PKD1L3: variants seen among roughly 807,000 people sequenced by gnomAD.
PKD1L3 encodes the protein polycystin-1-like protein 3.
A neutral mutation model predicts 184.1 loss-of-function variants in PKD1L3; 239 were observed. The ratio of observed to expected loss-of-function variants is 1.30; its 90% CI spans 1.17 to 1.45. PKD1L3 has a LOEUF of 1.45. Ranked by LOEUF, PKD1L3 falls within the 40% of genes most tolerant of loss-of-function variation. The pLI, the probability that PKD1L3 is intolerant of heterozygous loss-of-function variation, is 0.00. For synonymous variants in PKD1L3, 996 were observed against 778.8 expected (o/e 1.28, Z -4.64); for missense variants, 2,660 against 2,067.2 (o/e 1.29, Z -5.56).
At chr16:71,965,503 G>A (rs959992798) in intron 15 of PKD1L3, among the ~76,000 whole-genome samples, 12 of 151,230 alleles carry the variant, frequency 7.9e-5, no homozygotes, top group African/African-American at 2.4e-4. Flanking sequence ...CACTAGGGGC[G>A]TGTGAGTGTT....
At chr16:71,967,045 A>G (rs183049050) in intron 15 of PKD1L3, 92 bp downstream of exon 15, 1 of 1,366,974 alleles carries the variant, frequency 7.3e-7, no homozygotes, top group East Asian at 2.5e-5. Flanking sequence ...TATTTGGCTC[A>G]AAGCTTTACT....
intron 9 of PKD1L3, 23 bp from the exon 10 acceptor site, chr16:71,978,406 T>C (rs1225166000): frequency 3.3e-6 from 5 of 1,537,730 alleles, no homozygotes; most frequent in Non-Finnish European, 4.4e-6. Flanking sequence ...AGAAGCCCAG[T>C]TTTATCCATT....
intron 6 of PKD1L3, among the ~76,000 whole-genome samples, chr16:71,983,065 CT>C (rs1329016442): frequency 1.3e-5 from 2 of 152,174 alleles, no homozygotes; most frequent in Admixed American, 1.3e-4. Context: ...ACTGACAATT[CT>C]TTTTGAGTGG....
intron 11 of PKD1L3, among the ~76,000 whole-genome samples, chr16:71,975,118 T>C (rs575278767): frequency 2.6e-5 from 4 of 152,146 alleles, no homozygotes; most frequent in African/African-American, 9.6e-5. Context: ...TGCAGTGGTA[T>C]CATCGAAACT....
intron 15 of PKD1L3, among the ~76,000 whole-genome samples, chr16:71,966,505 C>T (rs1008939299): frequency 2.6e-5 from 4 of 150,954 alleles, no homozygotes; most frequent in Admixed American, 2.0e-4. Flanking sequence ...ATGCTCACTG[C>T]AGCTTCAACC....
intron 13 of PKD1L3, 67 bp downstream of exon 13, chr16:71,969,808 T>G: frequency 1.4e-6 from 2 of 1,399,502 alleles, no homozygotes; most frequent in Non-Finnish European, 1.9e-6. Context: ...CGAAGGTGTT[T>G]TTTCCTTCAT....
intron 15 of PKD1L3, among the ~76,000 whole-genome samples, chr16:71,965,765 G>A (rs1291074414): frequency 2.0e-5 from 3 of 151,984 alleles, no homozygotes; most frequent in African/African-American, 7.2e-5. Flanking sequence ...TGTTGGCCAG[G>A]CTGGTCTCAA....
rs373252628 is a variant in PKD1L3 at position 71,930,105 on chromosome 16, G to C, written c.5005C>G (p.Leu1669Val). ...VILMVLVVIN[L>V]FVSAILMAFG... is the part of the protein sequence containing the mutation. ...GCCATGAGAATGGCCGAAACGAAAA[G>C]ATTAATTACCACAAGTACCATCAAG... is the stretch of plus-strand genomic sequence containing the variant. Residue 1669 changes from leucine to valine, a missense_variant, in exon 29 of 30, where the codon CTT becomes GTT. Transcript: ENST00000620267. 5.6e-5 allele frequency: 87 copies of C among 1,551,496 alleles called. No individual in the cohort carries two copies. Among genetic ancestry groups the C allele is most frequent in the Non-Finnish European group, 7.3e-5 (84 of 1,146,928 alleles).
intron 12 of PKD1L3, among the ~76,000 whole-genome samples, chr16:71,972,145 G>A (rs1355105561): frequency 6.6e-6 from 1 of 152,138 alleles, no homozygotes; most frequent in Non-Finnish European, 1.5e-5. Flanking sequence ...GAACCTGGGA[G>A]GCAGAGTTTG....
chr16:71,936,760 G>A (rs2038195342), intron 25 of PKD1L3, among the ~76,000 whole-genome samples: 4 of 152,106 alleles, frequency 2.6e-5, no homozygotes, highest in Admixed American at 2.6e-4. Context: ...TTGAACTACA[G>A]GCATGAGCCA....
intron 16 of PKD1L3, among the ~76,000 whole-genome samples, chr16:71,957,841 T>C (rs559658271): frequency 3.7e-4 from 57 of 152,214 alleles, no homozygotes; most frequent in African/African-American, 1.3e-3. Context: ...CAAAATATAC[T>C]TCAAGACAAG....
chr16:71,966,869 T>C (rs574198967), intron 15 of PKD1L3, among the ~76,000 whole-genome samples: 1 of 152,226 alleles, frequency 6.6e-6, no homozygotes, highest in Non-Finnish European at 1.5e-5. Context: ...ATTGGTGTTA[T>C]TTGCTGTTCA....
chr16:71,998,480 C>T (rs915107614), intron 1 of PKD1L3, 86 bp from the exon 2 acceptor site: 28 of 1,464,022 alleles, frequency 1.9e-5, no homozygotes, highest in Non-Finnish European at 2.3e-5. Context: ...TGAGACAGTC[C>T]CACTCAGTCA....
intron 11 of PKD1L3, among the ~76,000 whole-genome samples, 159 bp downstream of exon 11, chr16:71,977,077 G>A (rs2039954175): frequency 6.6e-6 from 1 of 152,182 alleles, no homozygotes. Flanking sequence ...GCCAGATGTG[G>A]TGGTGCGCAC....
chr16:71,929,733 G>A (rs544343872), intron 29 of PKD1L3, 55 bp from the exon 30 acceptor site: 41 of 1,425,332 alleles, frequency 2.9e-5, no homozygotes, highest in Middle Eastern at 1.8e-4. Flanking sequence ...ACTGCTAATA[G>A]TGGAGTAAAA....
intron 22 of PKD1L3, among the ~76,000 whole-genome samples, chr16:71,946,394 A>G (rs1215739689): frequency 6.6e-6 from 1 of 152,176 alleles, no homozygotes; most frequent in Non-Finnish European, 1.5e-5. Context: ...TACTTTATCT[A>G]TAAATGCATA....
At chr16:71,976,986 G>T (rs2039949551) in intron 11 of PKD1L3, among the ~76,000 whole-genome samples, 1 of 151,998 alleles carries the variant, frequency 6.6e-6, no homozygotes, top group Non-Finnish European at 1.5e-5. Flanking sequence ...CTTGTGATCT[G>T]CCCGCCTCGG....
chr16:71,936,552 T>C (rs1404537475), intron 25 of PKD1L3, among the ~76,000 whole-genome samples: 5 of 142,836 alleles, frequency 3.5e-5, no homozygotes, highest in African/African-American at 1.0e-4. Context: ...GCAGTTTCAC[T>C]CTTGTTGCCC....
chr16:71,946,000 C>T (rs2038589269), intron 22 of PKD1L3, among the ~76,000 whole-genome samples: 2 of 152,116 alleles, frequency 1.3e-5, no homozygotes, highest in African/African-American at 2.4e-5. Context: ...CTCTTGTCAC[C>T]CAGGCTGGAG....
Sources: gnomAD v4.1 joint callset for allele counts (sites outside exome capture counted in the v4.1 genomes callset) on GRCh38, gnomAD v4.1.1 for gene constraint, MANE v1.5 for transcripts, NCBI Gene and HGNC (gene_info 2026-07-23, HGNC 2026-07-21) for gene names.